Variants in XPA observed in about 807,000 individuals in gnomAD.
The protein encoded by XPA is XPA, DNA damage recognition and repair factor.
XPA carries 27 observed loss-of-function variants against 35.7 expected under a neutral mutation model. The ratio of observed to expected loss-of-function variants is 0.76; its 90% confidence interval spans 0.56 to 1.04. The LOEUF (loss-of-function observed/expected upper bound fraction) is 1.04, where lower values mean the gene tolerates loss of function less well. Among genes scored for constraint, XPA ranks in the 50% least tolerant of loss-of-function variants. The pLI is 0.00. For missense variants in XPA, 354 were observed against 342.7 expected, an observed-to-expected ratio of 1.03 and a Z score of -0.26; for synonymous variants, 133 against 118.4, an observed-to-expected ratio of 1.12 and a Z score of -0.80.
the XPA span, chr9:97,666,674 T>G: frequency 1.3e-6 from 1 of 793,818 alleles, no homozygotes; most frequent in East Asian, 2.7e-5. Flanking sequence ...CTGTATCAGC[T>G]GTTAAGAATG....
intron 1 of XPA, among the ~76,000 whole-genome samples, chr9:97,696,004 G>A (rs1829031706): frequency 6.6e-6 from 1 of 152,186 alleles, no homozygotes; most frequent in African/African-American, 2.4e-5. Context: ...GAATTAATCA[G>A]TGCAAATGAA....
At chr9:97,659,660 T>A in the XPA span, among the ~76,000 whole-genome samples, 52 of 152,320 alleles carry the variant, frequency 3.4e-4, no homozygotes, top group Admixed American at 8.5e-4. Context: ...GCCACTGTGC[T>A]TTTTGGCAGA....
intron 5 of XPA, among the ~76,000 whole-genome samples, chr9:97,681,707 A>G (rs1828547455): frequency 6.6e-6 from 1 of 152,294 alleles, no homozygotes; most frequent in Non-Finnish European, 1.5e-5. Flanking sequence ...TCTAATATTA[A>G]GGCCTGTGCA....
At chr9:97,662,936 T>C in the XPA span, 3 of 1,568,660 alleles carry the variant, frequency 1.9e-6, no homozygotes, top group African/African-American at 1.4e-5. Context: ...GGTATTTTTT[T>C]CCCATCATTA....
At chr9:97,669,629 T>C in the XPA span, 5 of 1,612,900 alleles carry the variant, frequency 3.1e-6, no homozygotes, top group South Asian at 1.1e-5. Context: ...CCTAGTACGA[T>C]GCGAAACTGA....
chr9:97,667,139 G>A, the XPA span, among the ~76,000 whole-genome samples: 1 of 152,132 alleles, frequency 6.6e-6, no homozygotes, highest in Non-Finnish European at 1.5e-5. Flanking sequence ...CTCTGGGTCG[G>A]CCTCACGTTT....
chr9:97,691,540 A>G (rs1438486300), intron 2 of XPA, among the ~76,000 whole-genome samples: 1 of 152,022 alleles, frequency 6.6e-6, no homozygotes, highest in African/African-American at 2.4e-5. Context: ...TGTCTCTACA[A>G]AAAAAATCCA....
intron 5 of XPA, 107 bp downstream of exon 5, chr9:97,684,816 A>G (rs1828659903): frequency 9.6e-7 from 1 of 1,046,726 alleles, no homozygotes; most frequent in Non-Finnish European, 1.5e-6. Context: ...AACCTCTAAA[A>G]AACACATTCC....
intron 1 of XPA, among the ~76,000 whole-genome samples, chr9:97,695,073 TAG>T (rs1394666237): frequency 1.3e-5 from 2 of 152,016 alleles, no homozygotes; most frequent in Non-Finnish European, 2.9e-5. Context: ...CTTCTGAGAG[TAG>T]AGAGTGGACA....
intron 3 of XPA, 138 bp from the exon 4 acceptor site, chr9:97,687,399 A>G: frequency 1.5e-6 from 1 of 646,734 alleles, no homozygotes; most frequent in Non-Finnish European, 2.5e-6. Context: ...TGGTTAAATT[A>G]GCAACATAAG....
the XPA span, chr9:97,654,796 T>G: frequency 8.5e-7 from 1 of 1,181,960 alleles, no homozygotes; most frequent in East Asian, 2.4e-5. Flanking sequence ...TATAAAGACT[T>G]GAAATGTTTT....
chr9:97,669,527 A>G, the XPA span: 2 of 1,114,300 alleles, frequency 1.8e-6, no homozygotes, highest in South Asian at 2.6e-5. Flanking sequence ...TTTCTTTGTC[A>G]TGAATTTTTT....
At chr9:97,654,803 T>C in the XPA span, 1 of 1,247,434 alleles carries the variant, frequency 8.0e-7, no homozygotes, top group Non-Finnish European at 1.2e-6. Flanking sequence ...ACTTGAAATG[T>C]TTTATTTCTA....
At chr9:97,662,007 T>TA in the XPA span, 4 of 1,500,758 alleles carry the variant, frequency 2.7e-6, no homozygotes, top group South Asian at 2.3e-5. Context: ...TTGCTGTGCT[T>TA]ACATTTTTCT....
the XPA span, among the ~76,000 whole-genome samples, chr9:97,659,203 A>C: frequency 6.6e-6 from 1 of 152,244 alleles, no homozygotes. Context: ...CAGGGAGTGT[A>C]ATTTGATGTG....
rs1027571838 is a variant in XPA, at chr9:97,675,149, A to G, written c.*290T>C. 6.5e-5 allele frequency: 37 copies of G among 571,142 alleles called. No homozygotes were observed. Among genetic ancestry groups the G allele is most frequent in the Admixed American group, 4.6e-4 (21 of 46,062 alleles). The allele number at this position is 571,142 out of a possible 1,614,324, so 35.4% of individuals were successfully genotyped here. On this transcript the variant is annotated 3_prime_UTR_variant, in exon 6 of 6. Transcript: ENST00000375128. ...GGTTTGCCTTGGTATCTTGTCCTCA[A>G]ATTTGTAGCTGACCTACCACTTCTG...
In XPA at chr9:97,697,273, G is replaced by T; in HGVS notation, c.20C>A (p.Ala7Asp). The T allele has an allele frequency of 6.3e-7, 1 of 1,598,678 alleles. No homozygotes were observed. The highest frequency in any genetic ancestry group is 8.5e-7 in the Non-Finnish European group (1 of 1,179,196). The change falls in exon 1 of 6, where the codon GCT becomes GAT. Residue 7 changes from alanine (A) to aspartate (D), a missense_variant. By Grantham distance (126) the Ala-to-Asp change is moderately radical. Coordinates refer to ENST00000375128, the MANE Select transcript of XPA (RefSeq NM_000380.4). MAAADG[A>D]LPEAAALEQP... Reference sequence around the variant, plus strand: ...CTCTAAAGCCGCCGCCTCCGGCAAAGCCCCGTCGGCCGCCGCCATCTCTGG... The same window carrying T: ...CTCTAAAGCCGCCGCCTCCGGCAAATCCCCGTCGGCCGCCGCCATCTCTGG...
chr9:97,674,135 TC>T (rs11397653), downstream of XPA, among the ~76,000 whole-genome samples: 2 of 150,368 alleles, frequency 1.3e-5, no homozygotes, highest in East Asian at 4.1e-4. Context: ...AAGAGCTCCT[TC>T]CCCGCCCCCA....
At chr9:97,673,421 G>A (rs983759297), downstream of XPA, 2 of 152,194 alleles carry the variant, frequency 1.3e-5, no homozygotes, top group Admixed American at 1.3e-4. Context: ...AGTGTGGCTA[G>A]TTATGTTTGA....
Sources: gnomAD v4.1 joint callset for allele counts (sites outside exome capture counted in the v4.1 genomes callset) on GRCh38, gnomAD v4.1.1 for gene constraint, MANE v1.5 for transcripts, NCBI Gene and HGNC (gene_info 2026-07-23, HGNC 2026-07-21) for gene names.